The following NTM variants were observed in gnomAD, a reference collection of about 807,000 sequenced individuals.
NTM encodes the protein neurotrimin.
NTM carries 13 observed loss-of-function variants against 42.1 expected under a neutral mutation model. The ratio of observed to expected loss-of-function variants is 0.31; its 90% confidence interval spans 0.20 to 0.49. The LOEUF (loss-of-function observed/expected upper bound fraction) is 0.49. Ranked by LOEUF, NTM falls within the 20% of genes least tolerant of loss-of-function variation. NTM has a pLI of 0.99. For missense variants in NTM, 373 were observed against 452.8 expected (o/e 0.82, Z 1.60); for synonymous variants, 187 against 179.2 (o/e 1.04, Z -0.35).
intron 3 of NTM, among the ~76,000 whole-genome samples, chr11:132,155,546 T>C (rs2072996914): frequency 6.7e-6 from 1 of 149,744 alleles, no homozygotes; most frequent in South Asian, 2.1e-4. Context: ...CGGAGCTCTA[T>C]TGCTCCTGGC....
intron 1 of NTM, among the ~76,000 whole-genome samples, chr11:131,703,438 C>T (rs789523): frequency 0.2 from 30,135 of 152,084 alleles, 3,240 homozygotes; most frequent in African/African-American, 0.26. Context: ...AGTCTGTGTA[C>T]GCCCAAAGCA....
chr11:131,675,880 G>T (rs1056560700), intron 1 of NTM, among the ~76,000 whole-genome samples: 9 of 152,204 alleles, frequency 5.9e-5, no homozygotes, highest in African/African-American at 1.9e-4. Context: ...AGAGAGAAAA[G>T]CCCAGACGTC....
chr11:132,314,951 G>A (rs2095388072), intron 7 of NTM: 2 of 1,203,148 alleles, frequency 1.7e-6, no homozygotes, highest in Admixed American at 4.3e-5. Context: ...TATATGTATA[G>A]TACATGTATA....
intron 2 of NTM, among the ~76,000 whole-genome samples, chr11:131,994,383 G>A (rs1240041228): frequency 1.3e-5 from 2 of 152,200 alleles, no homozygotes; most frequent in Admixed American, 1.3e-4. Flanking sequence ...AGGAGAAAGT[G>A]AGAGTTGCTG....
intron 1 of NTM, among the ~76,000 whole-genome samples, chr11:131,405,433 A>G (rs12792565): frequency 1.3e-5 from 2 of 149,262 alleles, no homozygotes; most frequent in Admixed American, 1.3e-4. Context: ...TATTGCCCAA[A>G]CCAAAACCTA....
chr11:132,165,758 C>G (rs2075171015), intron 3 of NTM, among the ~76,000 whole-genome samples: 1 of 152,168 alleles, frequency 6.6e-6, no homozygotes, highest in South Asian at 2.1e-4. Context: ...GCTCTCTCTG[C>G]TTTCTCAAAA....
chr11:131,614,909 G>C (rs2061778066), intron 1 of NTM, among the ~76,000 whole-genome samples: 1 of 152,204 alleles, frequency 6.6e-6, no homozygotes, highest in African/African-American at 2.4e-5. Context: ...GATTCCAGCT[G>C]TTTCTCTCAC....
intron 3 of NTM, among the ~76,000 whole-genome samples, chr11:132,179,244 G>A (rs994950756): frequency 6.6e-6 from 1 of 152,118 alleles, no homozygotes; most frequent in African/African-American, 2.4e-5. Flanking sequence ...AATGAGTCTA[G>A]ATTTAAAGGG....
intron 2 of NTM, among the ~76,000 whole-genome samples, chr11:132,009,159 A>T (rs1262968875): frequency 6.6e-6 from 1 of 152,196 alleles, no homozygotes; most frequent in Non-Finnish European, 1.5e-5. Flanking sequence ...AAAAGCTACA[A>T]TTGGAAACCT....
intron 1 of NTM, among the ~76,000 whole-genome samples, chr11:131,437,795 A>G (rs1434904880): frequency 6.6e-6 from 1 of 152,198 alleles, no homozygotes; most frequent in Non-Finnish European, 1.5e-5. Flanking sequence ...ATTTAAGGTT[A>G]ATATTGTTAC....
intron 3 of NTM, among the ~76,000 whole-genome samples, chr11:132,176,071 T>C (rs2076765682): frequency 6.6e-6 from 1 of 152,220 alleles, no homozygotes; most frequent in Non-Finnish European, 1.5e-5. Flanking sequence ...AAAGGTTCAT[T>C]GAATTAATCC....
intron 1 of NTM, among the ~76,000 whole-genome samples, chr11:131,700,260 C>G (rs2075940891): frequency 6.6e-6 from 1 of 152,114 alleles, no homozygotes; most frequent in South Asian, 2.1e-4. Flanking sequence ...AAAATCCTTC[C>G]TTTTGTTGAA....
At chr11:132,001,314 T>G (rs2069183264) in intron 2 of NTM, among the ~76,000 whole-genome samples, 3 of 152,214 alleles carry the variant, frequency 2.0e-5, no homozygotes, top group Admixed American at 1.3e-4. Flanking sequence ...GAAATTTTCT[T>G]GTATACATAG....
At chr11:132,191,994 A>G (rs761698514) in intron 3 of NTM, among the ~76,000 whole-genome samples, 9 of 152,192 alleles carry the variant, frequency 5.9e-5, no homozygotes, top group African/African-American at 9.6e-5. Flanking sequence ...AAAATGAACA[A>G]AACCTTCAAT....
chr11:131,897,081 C>G (rs1937795568), intron 1 of NTM: 1 of 152,226 alleles, frequency 6.6e-6, no homozygotes, highest in African/African-American at 2.4e-5. Context: ...GTTGCTGCGT[C>G]TCTAACCTCT....
intron 1 of NTM, among the ~76,000 whole-genome samples, chr11:131,454,030 A>G (rs551392286): frequency 4.0e-4 from 61 of 152,250 alleles, no homozygotes; most frequent in African/African-American, 1.4e-3. Flanking sequence ...TTATTTCCTC[A>G]ATGTTTTATA....
At chr11:132,007,471 G>A in intron 2 of NTM, among the ~76,000 whole-genome samples, 1 of 152,130 alleles carries the variant, frequency 6.6e-6, no homozygotes, top group Non-Finnish European at 1.5e-5. Context: ...TTTGGGGCCT[G>A]TCAACAGCTA....
intron 1 of NTM, among the ~76,000 whole-genome samples, chr11:131,373,952 G>T (rs570020610): frequency 6.6e-6 from 1 of 152,114 alleles, no homozygotes; most frequent in African/African-American, 2.4e-5. Flanking sequence ...GGCGCCGTTC[G>T]GCTGGGCAGG....
At chr11:132,224,229 G>T (rs2085728049) in intron 4 of NTM, among the ~76,000 whole-genome samples, 1 of 152,124 alleles carries the variant, frequency 6.6e-6, no homozygotes, top group South Asian at 2.1e-4. Context: ...TACCGAGGAG[G>T]CACTCCCCTC....
Sources: allele counts gnomAD v4.1 joint callset (sites outside exome capture counted in the v4.1 genomes callset), GRCh38; gene constraint gnomAD v4.1.1; transcripts MANE v1.5; gene names NCBI Gene and HGNC (gene_info 2026-07-23, HGNC 2026-07-21).